Variants in POP1 observed in about 807,000 individuals in gnomAD.
The protein encoded by POP1 is ribonucleases P/MRP protein subunit POP1.
In POP1, 75 loss-of-function variants were observed where a neutral mutation model predicts 102.2. The observed-to-expected ratio is 0.73, with a 90% confidence interval of 0.61 to 0.89. The LOEUF (loss-of-function observed/expected upper bound fraction) is 0.89, where lower values mean the gene tolerates loss of function less well. Among genes scored for constraint, POP1 ranks in the 40% least tolerant of loss-of-function variants. The probability of loss-of-function intolerance (pLI) is 0.00; values close to 1 mark genes in which losing one functional copy is unlikely to be tolerated. For synonymous variants in POP1, 436 were observed against 464.1 expected (o/e 0.94, Z 0.78); for missense variants, 1,116 against 1,267.4 (o/e 0.88, Z 1.81).
At chr8:98,149,082 C>A in intron 13 of POP1, 76 bp downstream of exon 13, 1 of 1,377,172 alleles carries the variant, frequency 7.3e-7, no homozygotes, top group Non-Finnish European at 1.0e-6. Context: ...TCAAAATGTT[C>A]CAGACTTTAT....
intron 9 of POP1, 63 bp from the exon 10 acceptor site, chr8:98,140,015 C>A: frequency 7.6e-7 from 1 of 1,309,128 alleles, no homozygotes; most frequent in Non-Finnish European, 1.1e-6. Flanking sequence ...ATATCACAAC[C>A]ATGACAAAAT....
chr8:98,137,925 C>T (rs958467526), intron 9 of POP1, among the ~76,000 whole-genome samples: 2 of 152,222 alleles, frequency 1.3e-5, no homozygotes, highest in African/African-American at 4.8e-5. Flanking sequence ...TTTTCAATGC[C>T]TGTGCCTCTC....
intron 6 of POP1, 33 bp from the exon 7 acceptor site, chr8:98,134,439 G>C (rs772981384): frequency 6.2e-7 from 1 of 1,610,850 alleles, no homozygotes; most frequent in Non-Finnish European, 8.5e-7. Context: ...CTCAACACCC[G>C]GAATTATGGA....
intron 3 of POP1, 87 bp from the exon 4 acceptor site, chr8:98,128,278 A>C: frequency 2.3e-6 from 3 of 1,283,846 alleles, no homozygotes; most frequent in Non-Finnish European, 3.3e-6. Flanking sequence ...TGGTGGAGGA[A>C]TTCAGTTAAG....
rs144382528 is a variant in POP1, at chr8:98,147,966, G to T, written c.1711-849G>T. Among the ~76,000 whole-genome samples the T allele has an allele frequency of 3.3e-5, 5 of 152,290 alleles. No individual in the cohort carries two copies. The East Asian group carries it at 9.6e-4, about 29-fold the overall frequency. On this transcript the variant is annotated intron_variant, in intron 12 of 15. Transcript: ENST00000401707. Reference sequence around the variant, plus strand: ...GAATGAATGGAGTGTGTGAATTGTGGTGTCATTCAGCTAGGTGAGGAATAT... The same window carrying T: ...GAATGAATGGAGTGTGTGAATTGTGTTGTCATTCAGCTAGGTGAGGAATAT...
In POP1 at chr8:98,158,013, G is replaced by A. The variant is rs769305239; in HGVS notation, c.2817G>A (p.Gly939=). The change falls in exon 16 of 16, where the codon GGG becomes GGA. Residue 939 remains glycine, a synonymous_variant. Transcript: ENST00000401707. The part of the protein sequence containing the change: ...DGPAGEEPVA[G]QEALTLGLWS... ...CGGCGGGGGAAGAGCCCGTGGCTGGGCAGGAAGCTCTGACTCTAGGGCTGT... is the reference window on the plus strand; with the variant it reads ...CGGCGGGGGAAGAGCCCGTGGCTGGACAGGAAGCTCTGACTCTAGGGCTGT... 3.1e-6 allele frequency: 5 copies of A among 1,611,884 alleles called. No homozygotes were observed. The East Asian group carries it at 1.1e-4, about 36-fold the overall frequency.
At chr8:98,147,986 G>A (rs1809400430) in intron 12 of POP1, among the ~76,000 whole-genome samples, 2 of 152,204 alleles carry the variant, frequency 1.3e-5, no homozygotes, top group South Asian at 2.1e-4. Context: ...GCTAGGTGAG[G>A]AATATAGGAA....
At chr8:98,121,547 C>T in intron 1 of POP1, among the ~76,000 whole-genome samples, 1 of 128,708 alleles carries the variant, frequency 7.8e-6, no homozygotes, top group Admixed American at 9.0e-5. Flanking sequence ...TGGAGACTTG[C>T]TCTATTGCCC....
Position 98,146,682 on chromosome 8 carries a change from A to G in POP1, c.1709A>G (p.Gln570Arg). 1 of 1,592,800 alleles carries G rather than the reference A, an allele frequency of 6.3e-7. No individual in the cohort carries two copies. The change falls in exon 12 of 16, where the codon CAG becomes CGG. Residue 570 changes from glutamine to arginine, a missense_variant and splice_region_variant. By Grantham distance (43) the Gln-to-Arg change is conservative. Transcript: ENST00000401707. Reference protein sequence around the residue: ...KSVTENKISDQDLNRMRSELL... With the variant: ...KSVTENKISDRDLNRMRSELL... ...GTCACAGAGAATAAAATCTCGGATC[A>G]GGTAACTAATAGTGTAAGGGTTATT...
chr8:98,141,361 G>A (rs1287403131), intron 11 of POP1, among the ~76,000 whole-genome samples: 1 of 152,100 alleles, frequency 6.6e-6, no homozygotes, highest in African/African-American at 2.4e-5. Flanking sequence ...AGAGGCCTGA[G>A]AAAGTTGTTT....
Position 98,148,962 on chromosome 8 carries a change from G to T in POP1, c.1858G>T (p.Val620Phe). 2 of 1,613,684 alleles carry T rather than the reference G, an allele frequency of 1.2e-6. No individual in the cohort carries two copies. The highest frequency in any genetic ancestry group is 1.7e-6 in the Non-Finnish European group (2 of 1,179,748). The change falls in exon 13 of 16, where the codon GTC (valine) becomes TTC (phenylalanine). Residue 620 changes from valine (V) to phenylalanine (F), a missense_variant. By Grantham distance (50) the Val-to-Phe change is conservative (BLOSUM62 -1). Coordinates refer to ENST00000401707, the MANE Select transcript of POP1 (RefSeq NM_001145860.2). The stretch of plus-strand genomic sequence containing the variant: ...ACTAGGCTGGGGAAGTGGCTGGGAT[G>T]TCCTACTCCCAAAGGGCTGGGGCAT... Reference protein sequence around the residue: ...DRLGWGSGWDVLLPKGWGMAF... With the variant: ...DRLGWGSGWDFLLPKGWGMAF...
chr8:98,142,510 A>G (rs371984112), intron 11 of POP1, among the ~76,000 whole-genome samples: 1 of 152,248 alleles, frequency 6.6e-6, no homozygotes, highest in Non-Finnish European at 1.5e-5. Flanking sequence ...TATTAACACA[A>G]TATTTCACTA....
At chr8:98,156,790 T>C (rs1281249236) in intron 15 of POP1, among the ~76,000 whole-genome samples, 2 of 152,186 alleles carry the variant, frequency 1.3e-5, no homozygotes, top group Admixed American at 1.3e-4. Context: ...CCATTAGATG[T>C]AATATAGTCC....
Position 98,158,022 on chromosome 8 carries a change from T to C in POP1, c.2826T>C (p.Ala942=), listed in dbSNP as rs1809703645. 2.5e-6 allele frequency: 4 copies of C among 1,611,730 alleles called. No homozygotes were observed. The highest frequency in any genetic ancestry group is 1.3e-5 in the African/African-American group (1 of 75,066). Reference sequence around the variant, plus strand: ...AAGAGCCCGTGGCTGGGCAGGAAGCTCTGACTCTAGGGCTGTGGTCAGGCC... The same window carrying C: ...AAGAGCCCGTGGCTGGGCAGGAAGCCCTGACTCTAGGGCTGTGGTCAGGCC... ...AGEEPVAGQE[A]LTLGLWSGPL... is the part of the protein sequence containing the mutation. Residue 942 remains alanine, a synonymous_variant, in exon 16 of 16, where the codon GCT becomes GCC. Coordinates refer to ENST00000401707, the MANE Select transcript of POP1 (RefSeq NM_001145860.2).
At chr8:98,140,734 G>T in intron 10 of POP1, 35 bp from the exon 11 acceptor site, 2 of 1,605,960 alleles carry the variant, frequency 1.2e-6, no homozygotes, top group African/African-American at 1.3e-5. Context: ...TATTATGAAT[G>T]ACTTTCTGTA....
intron 11 of POP1, among the ~76,000 whole-genome samples, chr8:98,143,742 C>T (rs2130616125): frequency 6.6e-6 from 1 of 152,274 alleles, no homozygotes; most frequent in Non-Finnish European, 1.5e-5. Flanking sequence ...TTCCGATAAC[C>T]ACTGATCTTT....
At chr8:98,145,464 T>G (rs1412969911) in intron 11 of POP1, among the ~76,000 whole-genome samples, 3 of 152,208 alleles carry the variant, frequency 2.0e-5, no homozygotes, top group Non-Finnish European at 4.4e-5. Flanking sequence ...CCCTGGGGAT[T>G]AAATGACTGC....
Position 98,146,674 on chromosome 8 carries a change from C to G in POP1, c.1701C>G (p.Ile567Met), listed in dbSNP as rs755478219. The change falls in exon 12 of 16, where the codon ATC becomes ATG. Residue 567 changes from isoleucine (I) to methionine (M), a missense_variant. Physicochemically the swap from Ile to Met is conservative, Grantham distance 10 (BLOSUM62 1). Transcript: ENST00000401707. ...DICKSVTENK[I>M]SDQDLNRMRS... Reference sequence around the variant, plus strand: ...GTAAGAGTGTCACAGAGAATAAAATCTCGGATCAGGTAACTAATAGTGTAA... The same window carrying G: ...GTAAGAGTGTCACAGAGAATAAAATGTCGGATCAGGTAACTAATAGTGTAA... 1.2e-6 allele frequency: 2 copies of G among 1,607,030 alleles called. No individual in the cohort carries two copies. Among genetic ancestry groups the G allele is most frequent in the Non-Finnish European group, 1.7e-6 (2 of 1,173,612 alleles).
intron 14 of POP1, among the ~76,000 whole-genome samples, chr8:98,152,043 G>T (rs555186558): frequency 6.6e-6 from 1 of 152,046 alleles, no homozygotes; most frequent in Non-Finnish European, 1.5e-5. Context: ...CTGTGCCTGC[G>T]TTTCAAACTA....
Sources: gnomAD v4.1 joint callset for allele counts (sites outside exome capture counted in the v4.1 genomes callset) on GRCh38, gnomAD v4.1.1 for gene constraint, MANE v1.5 for transcripts, NCBI Gene and HGNC (gene_info 2026-07-23, HGNC 2026-07-21) for gene names.